ACER2: variants seen among roughly 807,000 people sequenced by gnomAD.
The protein encoded by ACER2 is alkaline ceramidase 2, also known as alkCDase 2.
A neutral mutation model predicts 34.7 loss-of-function variants in ACER2; 26 were observed. That is an observed-to-expected ratio of 0.75 (90% CI 0.55 to 1.04). The LOEUF (loss-of-function observed/expected upper bound fraction) is 1.04. ACER2 is among the 50% of genes least tolerant of loss of function. The pLI, the probability that ACER2 is intolerant of heterozygous loss-of-function variation, is 0.00. For synonymous variants in ACER2, 138 were observed against 132.1 expected, an observed-to-expected ratio of 1.04 and a Z score of -0.31; for missense variants, 352 against 340.8, an observed-to-expected ratio of 1.03 and a Z score of -0.26.
At chr9:19,415,601 T>A (rs1280426946) in intron 1 of ACER2, among the ~76,000 whole-genome samples, 1 of 152,226 alleles carries the variant, frequency 6.6e-6, no homozygotes, top group African/African-American at 2.4e-5. Flanking sequence ...AATGACTTCA[T>A]GCCTTTGCAA....
intron 1 of ACER2, among the ~76,000 whole-genome samples, chr9:19,418,577 CT>C (rs1830307901): frequency 6.6e-6 from 1 of 152,136 alleles, no homozygotes. Context: ...AACCATTATT[CT>C]CAGCAAACTA....
intron 1 of ACER2, among the ~76,000 whole-genome samples, chr9:19,413,370 G>A (rs1830146605): frequency 6.6e-6 from 1 of 152,178 alleles, no homozygotes; most frequent in Non-Finnish European, 1.5e-5. Context: ...AGGCTGAAGT[G>A]GGAGGATCAC....
At chr9:19,420,732 G>A (rs1311404017) in intron 1 of ACER2, among the ~76,000 whole-genome samples, 1 of 152,188 alleles carries the variant, frequency 6.6e-6, no homozygotes, top group Non-Finnish European at 1.5e-5. Context: ...ATTTCTTACA[G>A]TTCTAGAGGC....
intron 1 of ACER2, among the ~76,000 whole-genome samples, chr9:19,418,695 G>T (rs1019736153): frequency 2.0e-5 from 3 of 152,180 alleles, no homozygotes; most frequent in African/African-American, 7.2e-5. Context: ...GGCCTTTTGA[G>T]GGGTAGAGGG....
At chr9:19,426,386 CT>C (rs1830572798) in intron 3 of ACER2, among the ~76,000 whole-genome samples, 5 of 148,354 alleles carry the variant, frequency 3.4e-5, no homozygotes, top group Admixed American at 2.0e-4. Context: ...CTCTCTCTCT[CT>C]CTCTCCTCCT....
chr9:19,409,274 T>TG, intron 1 of ACER2, 82 bp downstream of exon 1: 1 of 1,375,472 alleles, frequency 7.3e-7, no homozygotes, highest in Non-Finnish European at 1.0e-6. Context: ...AAGCTGGACG[T>TG]GGGTCTCTGC....
intron 4 of ACER2, among the ~76,000 whole-genome samples, chr9:19,442,807 C>T (rs1177886033): frequency 6.6e-6 from 1 of 151,002 alleles, no homozygotes; most frequent in East Asian, 1.9e-4. Flanking sequence ...TTTTATAGTG[C>T]CTAGCATGGA....
At chr9:19,432,210 C>T (rs1394280116) in intron 3 of ACER2, among the ~76,000 whole-genome samples, 1 of 152,174 alleles carries the variant, frequency 6.6e-6, no homozygotes, top group African/African-American at 2.4e-5. Flanking sequence ...AATTCTAGTG[C>T]ATACTAGACT....
rs755673559 is a variant in ACER2, at chr9:19,435,061, A to G, written c.480A>G (p.Ala160=). The G allele has an allele frequency of 3.7e-6, 6 of 1,614,138 alleles. 1 individual carries two copies. In the South Asian group the frequency reaches 5.5e-5, roughly 15 times the overall value. Residue 160 remains alanine (A), a synonymous_variant, in exon 4 of 6, where the codon GCA becomes GCG. Transcript: ENST00000340967. ...TGACCCTGGGAGTTCCTTGCACTGC[A>G]CTGCTCATCGCAGAGCTAAAGAGGT... ...SLMTLGVPCT[A]LLIAELKRCD...
intron 1 of ACER2, among the ~76,000 whole-genome samples, chr9:19,415,220 G>A (rs1317465254): frequency 6.6e-6 from 1 of 152,204 alleles, no homozygotes; most frequent in Non-Finnish European, 1.5e-5. Context: ...GCCAGGTGTG[G>A]TGGCTTATGC....
intron 5 of ACER2, among the ~76,000 whole-genome samples, chr9:19,447,065 C>T (rs1376597826): frequency 2.6e-5 from 4 of 151,976 alleles, no homozygotes; most frequent in South Asian, 2.1e-4. Context: ...ATGCAGAATC[C>T]GATTCTGAGA....
At chr9:19,443,689 G>A (rs1563890965) in intron 4 of ACER2, among the ~76,000 whole-genome samples, 7 of 152,076 alleles carry the variant, frequency 4.6e-5, no homozygotes, top group Admixed American at 4.6e-4. Context: ...ATGGAGTCTT[G>A]CTCTTGAAGC....
At chr9:19,435,816 G>A (rs898785998) in intron 4 of ACER2, among the ~76,000 whole-genome samples, 1 of 151,926 alleles carries the variant, frequency 6.6e-6, no homozygotes, top group Non-Finnish European at 1.5e-5. Flanking sequence ...TTGGGAGGCC[G>A]AGGAGGGCGG....
intron 4 of ACER2, among the ~76,000 whole-genome samples, chr9:19,445,480 C>G (rs891415475): frequency 6.6e-6 from 1 of 152,084 alleles, no homozygotes; most frequent in Non-Finnish European, 1.5e-5. Flanking sequence ...GGAAGGAGGC[C>G]TTAGGGAGAG....
rs1423694945 is a variant in ACER2 at position 19,423,921 on chromosome 9, T to A, written c.168T>A (p.Tyr56Ter). 6.2e-7 allele frequency: 1 copy of A among 1,614,200 alleles called. No individual in the cohort carries two copies. The highest frequency in any genetic ancestry group is 8.5e-7 in the Non-Finnish European group (1 of 1,180,018). The change falls in exon 2 of 6, where the codon TAT becomes TAA. Residue 56 changes from tyrosine (Y) to a stop codon, truncating the protein, a stop_gained. Coordinates refer to ENST00000340967, the MANE Select transcript of ACER2 (RefSeq NM_001010887.3). LOFTEE classifies it high-confidence loss of function. The part of the protein sequence containing the change: ...PPICMCLFRQ[Y>*]ATCFNSGIYL... Reference sequence around the variant, plus strand: ...TCTGCATGTGCTTGTTTCGTCAGTATGCAACATGCTTCAACAGTGGCATCT... The same window carrying A: ...TCTGCATGTGCTTGTTTCGTCAGTAAGCAACATGCTTCAACAGTGGCATCT...
intron 3 of ACER2, 151 bp from the exon 4 acceptor site, chr9:19,434,796 C>T (rs546809001): frequency 5.3e-6 from 5 of 944,084 alleles, no homozygotes; most frequent in Admixed American, 2.4e-5. Flanking sequence ...CTCGCTCTGT[C>T]GCCGTGAGTG....
At chr9:19,446,889 A>G (rs1172672629) in intron 5 of ACER2, among the ~76,000 whole-genome samples, 2 of 152,160 alleles carry the variant, frequency 1.3e-5, no homozygotes, top group African/African-American at 4.8e-5. Context: ...CATTATTTCT[A>G]TAAGTGGGGA....
At position 19,434,989 on chromosome 9, in the gene ACER2, G is replaced by T. The variant is rs368356908; in HGVS notation, c.408G>T (p.Thr136=). 13 of 1,613,986 alleles carry T rather than the reference G, an allele frequency of 8.1e-6. 1 individual carries two copies. In the South Asian group the frequency reaches 1.4e-4, roughly 18 times the overall value. Residue 136 remains threonine (T), a synonymous_variant, in exon 4 of 6, where the codon ACG becomes ACT. Transcript: ENST00000340967. ...KVVVSVLSAV[T]TCLAFVKPAI... ...TGGTCAGTGTCCTGTCTGCGGTTAC[G>T]ACGTGCCTGGCATTTGTCAAGCCTG...
chr9:19,418,256 A>G lies in ACER2; in HGVS notation c.109-5606A>G, dbSNP rs534172570. Among the ~76,000 whole-genome samples, 7 of 152,320 alleles carry G rather than the reference A, an allele frequency of 4.6e-5. No individual in the cohort carries two copies. In the South Asian group the frequency reaches 1.5e-3, roughly 32 times the overall value. ...ACTTTTACACTGTTGGTGGGAGTGT[A>G]AATTAGTTCAACCATTGTGGAAGAC... On this transcript the variant is annotated intron_variant, in intron 1 of 5. Transcript: ENST00000340967.
Sources: gnomAD v4.1 joint callset for allele counts (sites outside exome capture counted in the v4.1 genomes callset) on GRCh38, gnomAD v4.1.1 for gene constraint, MANE v1.5 for transcripts, NCBI Gene and HGNC (gene_info 2026-07-23, HGNC 2026-07-21) for gene names.